Variants in OPRD1 observed in about 807,000 individuals in gnomAD.
OPRD1 encodes opioid receptor delta 1, also known as delta-type opioid receptor.
OPRD1 carries 19 observed loss-of-function variants against 17.5 expected under a neutral mutation model. The ratio of observed to expected loss-of-function variants is 1.09; its 90% CI spans 0.76 to 1.60. The LOEUF (loss-of-function observed/expected upper bound fraction) is 1.60, where lower values mean the gene tolerates loss of function less well. Ranked by LOEUF, OPRD1 falls within the 40% of genes most tolerant of loss-of-function variation. OPRD1 has a pLI of 0.00. For missense variants in OPRD1, 483 were observed against 547.2 expected (o/e 0.88, Z 1.17); for synonymous variants, 256 against 240.9 (o/e 1.06, Z -0.58).
At position 28,867,347 on chromosome 1, in the gene OPRD1, G is replaced by A. The variant is rs2089183555; in HGVS notation, c.*4064G>A. On this transcript the variant is annotated 3_prime_UTR_variant, in exon 3 of 3. Transcript: ENST00000234961. ...AGCCTCCTGAGTAGCTGGGATTACA[G>A]GTGTGCACCACCATAACCCAGCTAA... 6.6e-6 allele frequency: 1 copy of A among 151,976 alleles called. No homozygotes were observed. The highest frequency in any genetic ancestry group is 1.5e-5 in the Non-Finnish European group (1 of 67,994). 9.4% of individuals were successfully genotyped at this position (151,976 alleles called of 1,614,324 possible).
At chr1:28,842,186 C>A (rs183723079) in intron 1 of OPRD1, among the ~76,000 whole-genome samples, 1 of 152,066 alleles carries the variant, frequency 6.6e-6, no homozygotes. Flanking sequence ...TGCGCCACCA[C>A]GCCCAGCTAA....
rs1569661801 is a variant in OPRD1, at chr1:28,863,434, C to T, written c.*151C>T. ...GGGGCCTCTGTTTCGGAGACGGGAC[C>T]GGGCCGCTAGATGGGCATGGGGTGG... On this transcript the variant is annotated 3_prime_UTR_variant, in exon 3 of 3. Coordinates refer to ENST00000234961, the MANE Select transcript of OPRD1 (RefSeq NM_000911.4). 2.2e-6 allele frequency: 2 copies of T among 902,448 alleles called. No homozygotes were observed. Among genetic ancestry groups the T allele is most frequent in the Non-Finnish European group, 1.6e-6 (1 of 644,094 alleles). 55.9% of individuals were successfully genotyped at this position (902,448 alleles called of 1,614,324 possible).
chr1:28,818,379 G>C (rs1231033488), intron 1 of OPRD1, among the ~76,000 whole-genome samples: 1 of 152,166 alleles, frequency 6.6e-6, no homozygotes, highest in Non-Finnish European at 1.5e-5. Context: ...CCCCTGGTTA[G>C]TTGCAACTCC....
At chr1:28,860,513 G>A (rs1461135147) in intron 2 of OPRD1, among the ~76,000 whole-genome samples, 1 of 152,196 alleles carries the variant, frequency 6.6e-6, no homozygotes, top group Non-Finnish European at 1.5e-5. Context: ...TATATCATGA[G>A]ATGTTGAGAA....
intron 1 of OPRD1, among the ~76,000 whole-genome samples, chr1:28,855,969 C>G (rs1368266304): frequency 6.6e-6 from 1 of 152,136 alleles, no homozygotes; most frequent in Admixed American, 6.5e-5. Flanking sequence ...TCTTTTCAAC[C>G]AAAAATACCA....
Position 28,812,401 on chromosome 1 carries a change from C to G in OPRD1, c.18C>G (p.Ser6=). The G allele has an allele frequency of 6.9e-7, 1 of 1,440,420 alleles. No individual in the cohort carries two copies. The allele number at this position is 1,440,420 out of a possible 1,614,324, so 89.2% of individuals were successfully genotyped here. MEPAP[S]AGAELQPPLF... ...CGGCAGCCATGGAACCGGCCCCCTC[C>G]GCCGGCGCCGAGCTGCAGCCCCCGC... is the stretch of plus-strand genomic sequence containing the variant. The change falls in exon 1 of 3, where the codon TCC becomes TCG. Residue 6 remains serine (S), a synonymous_variant. Coordinates refer to ENST00000234961, the MANE Select transcript of OPRD1 (RefSeq NM_000911.4).
In OPRD1 at chr1:28,859,041, GA is replaced by G; in HGVS notation, c.316del (p.Ser106ValfsTer5). On this transcript the variant is annotated frameshift_variant, in exon 2 of 3. Coordinates refer to ENST00000234961, the MANE Select transcript of OPRD1 (RefSeq NM_000911.4). LOFTEE classifies it high-confidence loss of function. ...ALATSTLPFQ[S>X]AKYLMETWPF... is the part of the protein sequence containing the mutation. ...TGGCCACCAGCACGCTGCCTTTCCA[GA>G]GTGCCAAGTACCTGATGGAGACGTG... 1 of 1,614,206 alleles carries G rather than the reference GA, an allele frequency of 6.2e-7. No homozygotes were observed. The highest frequency in any genetic ancestry group is 8.5e-7 in the Non-Finnish European group (1 of 1,180,040).
At chr1:28,854,756 A>G (rs12747612) in intron 1 of OPRD1, among the ~76,000 whole-genome samples, 1,829 of 151,694 alleles carry the variant, frequency 0.012, 19 homozygotes, top group Non-Finnish European at 0.019. Context: ...GGGTGCAAGC[A>G]ATTCTTCTGT....
intron 1 of OPRD1, among the ~76,000 whole-genome samples, chr1:28,818,546 G>A: frequency 6.6e-6 from 1 of 152,202 alleles, no homozygotes; most frequent in East Asian, 1.9e-4. Flanking sequence ...CAGGAGCAAT[G>A]ATTCACCAAT....
At chr1:28,813,597 C>T (rs1280865592) in intron 1 of OPRD1, among the ~76,000 whole-genome samples, 1 of 152,154 alleles carries the variant, frequency 6.6e-6, no homozygotes, top group Non-Finnish European at 1.5e-5. Context: ...AGAAGTAGCC[C>T]TCCTGATACA....
intron 1 of OPRD1, among the ~76,000 whole-genome samples, chr1:28,821,303 A>G (rs911009779): frequency 3.5e-4 from 54 of 152,170 alleles, no homozygotes; most frequent in African/African-American, 1.3e-3. Flanking sequence ...GGGTGTCACC[A>G]TCTTGGCCAG....
At chr1:28,862,704 C>T (rs759971759) in intron 2 of OPRD1, 38 bp from the exon 3 acceptor site, 2 of 1,547,182 alleles carry the variant, frequency 1.3e-6, no homozygotes, top group Non-Finnish European at 1.7e-6. Context: ...CACACAGGCC[C>T]CTCACCCCGT....
intron 1 of OPRD1, among the ~76,000 whole-genome samples, chr1:28,827,956 G>A (rs1253258664): frequency 1.3e-5 from 2 of 151,702 alleles, no homozygotes; most frequent in African/African-American, 2.4e-5. Context: ...GGCTGGTCTC[G>A]AGCTCCTGGC....
chr1:28,819,070 C>T (rs1481834535), intron 1 of OPRD1, among the ~76,000 whole-genome samples: 1 of 151,686 alleles, frequency 6.6e-6, no homozygotes, highest in Non-Finnish European at 1.5e-5. Flanking sequence ...TGTGGGGAGA[C>T]TAGAGAGGGT....
rs11361906 is a variant in OPRD1 at position 28,845,478 on chromosome 1, CAA to C, written c.228-13460_228-13459del. ...TGGGCGACAGAGTGAGACTCCATCT[CAA>C]AAAAAAAAAAAAAAATTGATATAGT... On this transcript the variant is annotated intron_variant, in intron 1 of 2. Coordinates refer to ENST00000234961, the MANE Select transcript of OPRD1 (RefSeq NM_000911.4). Among the ~76,000 whole-genome samples the C allele has an allele frequency of 2.7e-3, 333 of 121,704 alleles. 9 individuals carry two copies. Among genetic ancestry groups the C allele is most frequent in the African/African-American group, 3.5e-3 (107 of 30,972 alleles). 79.8% of individuals were successfully genotyped at this position (121,704 alleles called of 152,430 possible). A position where few individuals can be genotyped will look rare whatever the true frequency, so the allele number is the denominator to read the frequency against.
At chr1:28,815,574 G>A (rs1271857872) in intron 1 of OPRD1, among the ~76,000 whole-genome samples, 1 of 152,206 alleles carries the variant, frequency 6.6e-6, no homozygotes, top group Non-Finnish European at 1.5e-5. Context: ...CTGAGGGCAG[G>A]GCAGCTGCCT....
intron 1 of OPRD1, among the ~76,000 whole-genome samples, chr1:28,851,187 C>T (rs1569642805): frequency 1.3e-5 from 2 of 152,028 alleles, no homozygotes. Context: ...AGAGAGGAAC[C>T]GACAAGTTAT....
intron 1 of OPRD1, among the ~76,000 whole-genome samples, chr1:28,836,149 G>A (rs570806740): frequency 1.3e-5 from 2 of 152,302 alleles, no homozygotes; most frequent in African/African-American, 4.8e-5. Flanking sequence ...CATGCCTGGT[G>A]AGATGGTTAG....
At chr1:28,827,999 G>A (rs2088780551) in intron 1 of OPRD1, among the ~76,000 whole-genome samples, 1 of 152,012 alleles carries the variant, frequency 6.6e-6, no homozygotes, top group South Asian at 2.1e-4. Context: ...GCCTCCCAAA[G>A]TACTGGGATT....
Sources: allele counts gnomAD v4.1 joint callset (sites outside exome capture counted in the v4.1 genomes callset), GRCh38; gene constraint gnomAD v4.1.1; transcripts MANE v1.5; gene names NCBI Gene and HGNC (gene_info 2026-07-23, HGNC 2026-07-21).